The following DIP2C variants were observed in gnomAD, a reference collection of about 807,000 sequenced individuals.
DIP2C encodes disco-interacting protein 2 homolog C.
DIP2C carries 33 observed loss-of-function variants against 192.4 expected under a neutral mutation model. The ratio of observed to expected loss-of-function variants is 0.17; its 90% CI spans 0.13 to 0.23. DIP2C has a LOEUF of 0.23. Ranked by LOEUF, DIP2C falls within the 10% of genes least tolerant of loss-of-function variation. The pLI, the probability that DIP2C is intolerant of heterozygous loss-of-function variation, is 1.00. For missense variants in DIP2C, 1,537 were observed against 2,110.1 expected (o/e 0.73, Z 5.32); for synonymous variants, 979 against 864.1 (o/e 1.13, Z -2.33).
chr10:369,939 T>TC (rs1282234970), intron 17 of DIP2C: 10 of 984,884 alleles, frequency 1.0e-5, no homozygotes, highest in African/African-American at 5.2e-5. Flanking sequence ...CTCTCTCCCC[T>TC]CCCTCCAGGC....
chr10:597,367 GCT>G (rs138750996), intron 1 of DIP2C, among the ~76,000 whole-genome samples: 2,919 of 152,274 alleles, frequency 0.019, 103 homozygotes, highest in African/African-American at 0.067. Flanking sequence ...CACCGGGCTG[GCT>G]CTGTCTCTCT....
At chr10:511,423 T>C (rs1846004730) in intron 1 of DIP2C, among the ~76,000 whole-genome samples, 1 of 152,214 alleles carries the variant, frequency 6.6e-6, no homozygotes, top group South Asian at 2.1e-4. Context: ...AGATTCAACG[T>C]AAAATAACCA....
intron 2 of DIP2C, among the ~76,000 whole-genome samples, chr10:483,286 G>A (rs1467968457): frequency 6.6e-6 from 1 of 152,238 alleles, no homozygotes; most frequent in East Asian, 1.9e-4. Flanking sequence ...CAGCAGCACA[G>A]GGGAACAAGA....
chr10:384,315 C>T lies in DIP2C; in HGVS notation c.1757-169G>A, dbSNP rs113464540. Among the ~76,000 whole-genome samples, 783 of 137,380 alleles carry T rather than the reference C, an allele frequency of 5.7e-3. 4 individuals carry two copies. Among genetic ancestry groups the T allele is most frequent in the Middle Eastern group, 0.017 (4 of 234 alleles). The allele number at this position is 137,380 out of a possible 152,430, so 90.1% of individuals were successfully genotyped here. A position where few individuals can be genotyped will look rare whatever the true frequency, so the allele number is the denominator to read the frequency against. On this transcript the variant is annotated intron_variant, in intron 15 of 36. Coordinates refer to ENST00000280886, the MANE Select transcript of DIP2C (RefSeq NM_014974.3). ...TTTTTTTTTTGTGATCTTGGCTCAC[C>T]GCAACCTCCTTCTCCTGGGTTCAAG...
At chr10:507,492 T>C (rs1440823720) in intron 1 of DIP2C, among the ~76,000 whole-genome samples, 1 of 150,070 alleles carries the variant, frequency 6.7e-6, no homozygotes, top group Non-Finnish European at 1.5e-5. Flanking sequence ...CTGTGCACTA[T>C]CAGAGGTGTG....
At chr10:670,215 TACGCACACGCATGC>T (rs1480069257) in intron 1 of DIP2C, among the ~76,000 whole-genome samples, 1 of 151,850 alleles carries the variant, frequency 6.6e-6, no homozygotes, top group Non-Finnish European at 1.5e-5. Context: ...TATGCACACA[TACGCACACGCATGC>T]ATGCACACGC....
rs143880635 is a variant in DIP2C, at chr10:470,676, GGAGA to G, written c.268+1759_268+1762del. 2.3e-3 allele frequency among the ~76,000 whole-genome samples: 345 copies of G among 152,286 alleles called. 3 individuals are homozygous for G. The highest frequency in any genetic ancestry group is 7.2e-3 in the African/African-American group (301 of 41,556). ...TTTATCAACACCCCTGCAGCATCGT[GGAGA>G]GAGAGAGAATGTAGGAAACACGCAG... On this transcript the variant is annotated intron_variant, in intron 3 of 36. Transcript: ENST00000280886.
chr10:346,558 A>G (rs1394551607), intron 26 of DIP2C, among the ~76,000 whole-genome samples: 1 of 140,018 alleles, frequency 7.1e-6, no homozygotes, highest in African/African-American at 2.7e-5. Context: ...ACCCAGACAC[A>G]TCGCGCATAG....
intron 2 of DIP2C, among the ~76,000 whole-genome samples, chr10:483,509 G>A (rs897751393): frequency 1.3e-5 from 2 of 152,066 alleles, no homozygotes; most frequent in Admixed American, 1.3e-4. Context: ...GCTGTCCGGA[G>A]TCCCCCCATC....
intron 1 of DIP2C, among the ~76,000 whole-genome samples, chr10:625,936 ATGT>A (rs1854172350): frequency 1.3e-5 from 2 of 152,228 alleles, no homozygotes; most frequent in South Asian, 2.1e-4. Flanking sequence ...ATTTCACCAA[ATGT>A]TGTGTCAAAA....
chr10:340,584 C>A, intron 29 of DIP2C: 1 of 355,536 alleles, frequency 2.8e-6, no homozygotes, highest in Non-Finnish European at 5.6e-6. Context: ...TTATTTTCTT[C>A]TTCATATTTT....
At chr10:580,161 G>A (rs1588509830) in intron 1 of DIP2C, among the ~76,000 whole-genome samples, 3 of 152,220 alleles carry the variant, frequency 2.0e-5, no homozygotes, top group Middle Eastern at 3.4e-3. Context: ...GATGTACAGT[G>A]CACTACAGCA....
intron 1 of DIP2C, among the ~76,000 whole-genome samples, chr10:527,896 T>C (rs1564820788): frequency 6.6e-6 from 1 of 152,182 alleles, no homozygotes; most frequent in East Asian, 1.9e-4. Context: ...CCAACATCCA[T>C]CGTCCATCCT....
intron 5 of DIP2C, among the ~76,000 whole-genome samples, chr10:421,885 T>C (rs560488354): frequency 6.6e-6 from 1 of 152,318 alleles, no homozygotes; most frequent in South Asian, 2.1e-4. Context: ...GCCGACGCTT[T>C]AAGTCTCAGT....
intron 1 of DIP2C, among the ~76,000 whole-genome samples, chr10:554,791 G>C (rs900902415): frequency 1.1e-4 from 16 of 152,166 alleles, no homozygotes; most frequent in African/African-American, 3.6e-4. Flanking sequence ...TCATCAAAAG[G>C]CATCAGGAAA....
At chr10:384,461 C>G in intron 15 of DIP2C, 85 bp downstream of exon 15, 1 of 1,380,186 alleles carries the variant, frequency 7.2e-7, no homozygotes, top group South Asian at 1.2e-5. Context: ...TGGTCTGGAA[C>G]TCCTGACCTC....
intron 1 of DIP2C, among the ~76,000 whole-genome samples, chr10:580,519 G>A (rs1158644839): frequency 2.0e-5 from 3 of 152,098 alleles, no homozygotes; most frequent in Non-Finnish European, 4.4e-5. Flanking sequence ...CCATAGTTAT[G>A]CACATATGTA....
At chr10:553,534 A>G (rs1848686817) in intron 1 of DIP2C, among the ~76,000 whole-genome samples, 1 of 152,236 alleles carries the variant, frequency 6.6e-6, no homozygotes, top group Admixed American at 6.5e-5. Context: ...ATGAACTGAA[A>G]GTTAAGTCAC....
chr10:542,978 C>T (rs1196760540), intron 1 of DIP2C, among the ~76,000 whole-genome samples: 6 of 152,218 alleles, frequency 3.9e-5, no homozygotes, highest in Non-Finnish European at 8.8e-5. Context: ...CTGCCACATG[C>T]AGTCATCCTC....
Sources: gnomAD v4.1 joint callset for allele counts (sites outside exome capture counted in the v4.1 genomes callset) on GRCh38, gnomAD v4.1.1 for gene constraint, MANE v1.5 for transcripts, NCBI Gene and HGNC (gene_info 2026-07-23, HGNC 2026-07-21) for gene names.